The following CDC14A variants were observed in gnomAD, a reference collection of about 807,000 sequenced individuals.
The protein encoded by CDC14A is dual specificity protein phosphatase CDC14A.
CDC14A carries 53 observed loss-of-function variants against 74.4 expected under a neutral mutation model. The ratio of observed to expected loss-of-function variants is 0.71; its 90% confidence interval spans 0.57 to 0.89. CDC14A has a LOEUF of 0.89. Among genes scored for constraint, CDC14A ranks in the 40% least tolerant of loss-of-function variants. The pLI, the probability that CDC14A is intolerant of heterozygous loss-of-function variation, is 0.00. For missense variants in CDC14A, 646 were observed against 713.7 expected, an observed-to-expected ratio of 0.91 and a Z score of 1.08; for synonymous variants, 247 against 258.4, an observed-to-expected ratio of 0.96 and a Z score of 0.43.
chr1:100,503,046 C>T (rs187052935), intron 15 of CDC14A, among the ~76,000 whole-genome samples: 10 of 152,316 alleles, frequency 6.6e-5, no homozygotes, highest in African/African-American at 2.4e-4. Context: ...GACCTTCCCC[C>T]CTTTAACTTT....
chr1:100,383,633 A>T (rs1656452916), intron 3 of CDC14A: 1 of 152,614 alleles, frequency 6.6e-6, no homozygotes, highest in Non-Finnish European at 1.5e-5. Flanking sequence ...GGGCTAGCCT[A>T]GCCACCTGTA....
At chr1:100,393,988 C>A in intron 4 of CDC14A, 1 of 259,752 alleles carries the variant, frequency 3.8e-6, no homozygotes, top group Non-Finnish European at 7.5e-6. Context: ...GCAGTGCATC[C>A]ACCTCAACCT....
chr1:100,453,423 T>C (rs531605753), intron 7 of CDC14A, among the ~76,000 whole-genome samples: 14 of 152,346 alleles, frequency 9.2e-5, no homozygotes, highest in African/African-American at 3.4e-4. Flanking sequence ...TGCATACCTT[T>C]ATTCTTGGAT....
At chr1:100,510,013 G>A (rs10875300) in intron 15 of CDC14A, among the ~76,000 whole-genome samples, 94,140 of 152,066 alleles carry the variant, frequency 0.62, 32,154 homozygotes, top group East Asian at 0.8. Flanking sequence ...ATGGTTAAGA[G>A]GGGAAAGGCT....
chr1:100,458,661 C>T (rs969747680), intron 8 of CDC14A, among the ~76,000 whole-genome samples: 1 of 150,760 alleles, frequency 6.6e-6, no homozygotes, highest in Non-Finnish European at 1.5e-5. Context: ...ATTAATAAAC[C>T]TGATCCAATT....
chr1:100,456,239 C>T (rs913511995), intron 8 of CDC14A, among the ~76,000 whole-genome samples: 5 of 152,146 alleles, frequency 3.3e-5, no homozygotes, highest in Non-Finnish European at 7.4e-5. Flanking sequence ...AAAAACAAAA[C>T]TAAAAATAAA....
intron 11 of CDC14A, among the ~76,000 whole-genome samples, chr1:100,494,105 G>T (rs1355715237): frequency 6.6e-6 from 1 of 152,136 alleles, no homozygotes; most frequent in African/African-American, 2.4e-5. Context: ...TCACACAAAG[G>T]TCATTAAGAG....
At chr1:100,422,459 A>G (rs1662485185) in intron 4 of CDC14A, among the ~76,000 whole-genome samples, 1 of 152,218 alleles carries the variant, frequency 6.6e-6, no homozygotes, top group Non-Finnish European at 1.5e-5. Flanking sequence ...CTTTAGGCTT[A>G]AGAAATCACT....
intron 6 of CDC14A, 107 bp downstream of exon 6, chr1:100,440,105 A>G: frequency 1.3e-6 from 1 of 775,266 alleles, no homozygotes; most frequent in Non-Finnish European, 2.2e-6. Flanking sequence ...AAGGGGAGCC[A>G]GTAAGTAGAA....
intron 10 of CDC14A, among the ~76,000 whole-genome samples, chr1:100,473,923 CT>C (rs1668636923): frequency 6.6e-6 from 1 of 152,120 alleles, no homozygotes; most frequent in Non-Finnish European, 1.5e-5. Context: ...CCTTGTCGTG[CT>C]CCCAGTCTTG....
Position 100,440,017 on chromosome 1 carries a change from G to A in CDC14A, c.456+19G>A. Reference sequence around the variant, plus strand: ...CAGAAAGGTAATAACAATTCTCCTTGCTGTAGTTGACACAGTAGTTTAAAA... The same window carrying A: ...CAGAAAGGTAATAACAATTCTCCTTACTGTAGTTGACACAGTAGTTTAAAA... On this transcript the variant is annotated intron_variant, in intron 6 of 15. Transcript: ENST00000336454. The A allele has an allele frequency of 1.3e-6, 2 of 1,577,836 alleles. No homozygotes were observed. Among genetic ancestry groups the A allele is most frequent in the Non-Finnish European group, 1.7e-6 (2 of 1,147,502 alleles).
At chr1:100,491,518 ATC>A (rs761858427) in intron 11 of CDC14A, among the ~76,000 whole-genome samples, 931 of 26,542 alleles carry the variant, frequency 0.035, 66 homozygotes, top group African/African-American at 0.079. Flanking sequence ...ATATATCTGC[ATC>A]TCTCTCTCTC....
At chr1:100,439,791 G>A (rs534129248) in intron 5 of CDC14A, 141 bp from the exon 6 acceptor site, 30 of 629,724 alleles carry the variant, frequency 4.8e-5, no homozygotes, top group African/African-American at 1.1e-4. Context: ...TAATTAGTAG[G>A]ATCTAATGTA....
At chr1:100,412,704 A>ATATATATATATATATATAT (rs1660888583) in intron 4 of CDC14A, among the ~76,000 whole-genome samples, 1 of 100,898 alleles carries the variant, frequency 9.9e-6, no homozygotes, top group Admixed American at 1.0e-4. Context: ...TTTTATATAT[A>ATATATATATATATATATAT]TATATATATA....
At chr1:100,493,176 C>A (rs1647246859) in intron 11 of CDC14A, among the ~76,000 whole-genome samples, 1 of 152,106 alleles carries the variant, frequency 6.6e-6, no homozygotes, top group Admixed American at 6.5e-5. Flanking sequence ...AAAGATCCTC[C>A]TAGTTGGAGG....
intron 2 of CDC14A, among the ~76,000 whole-genome samples, chr1:100,369,051 C>T (rs1361343074): frequency 6.6e-6 from 1 of 151,714 alleles, no homozygotes; most frequent in Non-Finnish European, 1.5e-5. Flanking sequence ...TTCCCGCCGC[C>T]AACAGTGTGA....
At chr1:100,456,992 A>G (rs1666766206) in intron 8 of CDC14A, among the ~76,000 whole-genome samples, 1 of 152,234 alleles carries the variant, frequency 6.6e-6, no homozygotes, top group East Asian at 1.9e-4. Flanking sequence ...GAGCCTGAGG[A>G]AACTGCTTTC....
chr1:100,384,859 T>C (rs896470262), intron 3 of CDC14A, among the ~76,000 whole-genome samples: 2 of 152,240 alleles, frequency 1.3e-5, no homozygotes, highest in African/African-American at 4.8e-5. Flanking sequence ...TGGAGCTTAC[T>C]GCACTTTGGA....
intron 2 of CDC14A, among the ~76,000 whole-genome samples, chr1:100,377,165 C>T (rs1009676747): frequency 3.3e-5 from 5 of 151,946 alleles, no homozygotes; most frequent in South Asian, 4.2e-4. Context: ...CTCAGCCTCT[C>T]GAGTAGCTGG....
Sources: gnomAD v4.1 joint callset for allele counts (sites outside exome capture counted in the v4.1 genomes callset) on GRCh38, gnomAD v4.1.1 for gene constraint, MANE v1.5 for transcripts, NCBI Gene and HGNC (gene_info 2026-07-23, HGNC 2026-07-21) for gene names.